The following EPSTI1 variants were observed in gnomAD, a reference collection of about 807,000 sequenced individuals.
EPSTI1 encodes epithelial-stromal interaction protein 1.
In EPSTI1, 66 loss-of-function variants were observed where a neutral mutation model predicts 49.9. That is an observed-to-expected ratio of 1.32 (90% CI 1.08 to 1.62). EPSTI1 has a LOEUF of 1.62. Among genes scored for constraint, EPSTI1 ranks in the 40% most tolerant of loss-of-function variants. The pLI is 0.00. For missense variants in EPSTI1, 394 were observed against 365.5 expected (o/e 1.08, Z -0.64); for synonymous variants, 137 against 130.7 (o/e 1.05, Z -0.33).
chr13:42,926,986 A>AACACACAC (rs1422487357), intron 6 of EPSTI1, among the ~76,000 whole-genome samples: 2 of 68,174 alleles, frequency 2.9e-5, no homozygotes, highest in Admixed American at 2.1e-4. Context: ...ACCCTCTGTT[A>AACACACAC]ACAGACACAC....
chr13:42,906,677 T>C (rs1011229107), intron 8 of EPSTI1, among the ~76,000 whole-genome samples: 1 of 152,116 alleles, frequency 6.6e-6, no homozygotes, highest in Non-Finnish European at 1.5e-5. Flanking sequence ...ACCTTTGCCT[T>C]GAAGGAGAAA....
intron 1 of EPSTI1, among the ~76,000 whole-genome samples, chr13:42,987,892 C>G (rs1011949): frequency 0.3 from 45,359 of 151,944 alleles, 7,381 homozygotes; most frequent in East Asian, 0.51. Context: ...TACATACTAG[C>G]TACTACGTAA....
chr13:42,986,763 A>AAC (rs2040090045), intron 1 of EPSTI1, among the ~76,000 whole-genome samples: 1 of 142,756 alleles, frequency 7.0e-6, no homozygotes, highest in Non-Finnish European at 1.5e-5. Flanking sequence ...AAAAAAAAAA[A>AAC]AAAAAAAACA....
chr13:42,977,263 C>A (rs1479629285), intron 1 of EPSTI1, among the ~76,000 whole-genome samples: 1 of 152,190 alleles, frequency 6.6e-6, no homozygotes, highest in Non-Finnish European at 1.5e-5. Flanking sequence ...TGTGTGACAT[C>A]CTTTATTCTT....
intron 10 of EPSTI1, among the ~76,000 whole-genome samples, chr13:42,893,791 C>T (rs907169869): frequency 6.6e-6 from 1 of 152,178 alleles, no homozygotes; most frequent in African/African-American, 2.4e-5. Context: ...TGACCAAAAT[C>T]TAAATTCCAA....
At chr13:42,935,244 C>T (rs1003981457) in intron 6 of EPSTI1, among the ~76,000 whole-genome samples, 4 of 152,232 alleles carry the variant, frequency 2.6e-5, no homozygotes, top group African/African-American at 9.6e-5. Context: ...GATTCCCCAC[C>T]TCTTTCTAAC....
intron 2 of EPSTI1, 126 bp downstream of exon 2, chr13:42,970,486 A>G: frequency 2.5e-6 from 2 of 788,768 alleles, no homozygotes; most frequent in East Asian, 5.5e-5. Flanking sequence ...AACTAAAAAA[A>G]ACAAAAAACC....
rs2039737872 is a variant in EPSTI1, at chr13:42,970,468, A to G, written c.247+144T>C. The G allele has an allele frequency of 1.2e-5, 7 of 574,402 alleles. No homozygotes were observed. The South Asian group carries it at 2.1e-4, about 17-fold the overall frequency. The allele number at this position is 574,402 out of a possible 1,614,324, so 35.6% of individuals were successfully genotyped here. A position where few individuals can be genotyped will look rare whatever the true frequency, so the allele number is the denominator to read the frequency against. On this transcript the variant is annotated intron_variant, in intron 2 of 10. Transcript: ENST00000313624. ...TTAATAGTAGAATATTTTTAAAGGT[A>G]TAATCAAAACTAAAAAAAACAAAAA...
chr13:42,916,839 A>G (rs1443296335), intron 8 of EPSTI1, among the ~76,000 whole-genome samples: 1 of 152,076 alleles, frequency 6.6e-6, no homozygotes, highest in Non-Finnish European at 1.5e-5. Context: ...ATAAAGTGGC[A>G]CTTTGGAGCT....
intron 6 of EPSTI1, 59 bp downstream of exon 6, chr13:42,953,889 T>G: frequency 3.6e-6 from 5 of 1,408,272 alleles, no homozygotes; most frequent in Non-Finnish European, 4.9e-6. Context: ...CACCTGAATT[T>G]AAAACCTCTA....
At position 42,887,120 on chromosome 13, in the gene EPSTI1, T is replaced by C. The variant is rs1224010020; in HGVS notation, c.*1374A>G. ...TTCCAACACAGGCTGGGGGATTGAG[T>C]TTCCCCCATATAAGGCAATGACAAG... On this transcript the variant is annotated 3_prime_UTR_variant, in exon 11 of 11. Transcript: ENST00000313624. 1 of 152,030 alleles carries C rather than the reference T, an allele frequency of 6.6e-6. No individual in the cohort carries two copies. 9.4% of individuals were successfully genotyped at this position (152,030 alleles called of 1,614,324 possible).
At chr13:42,988,139 C>G (rs2040118313) in intron 1 of EPSTI1, among the ~76,000 whole-genome samples, 2 of 152,140 alleles carry the variant, frequency 1.3e-5, no homozygotes, top group African/African-American at 4.8e-5. Context: ...CCCTATATTA[C>G]CAGCACAGGC....
intron 3 of EPSTI1, among the ~76,000 whole-genome samples, chr13:42,965,114 A>G (rs2039568129): frequency 6.6e-6 from 1 of 152,212 alleles, no homozygotes; most frequent in Admixed American, 6.5e-5. Flanking sequence ...TGTTTCTTTC[A>G]AAACAGTAAG....
rs1056170623 is a variant in EPSTI1 at position 42,922,021 on chromosome 13, A to G, written c.657+4315T>C. ...AGAAAACGCTAAAATAAAATGTTTAAAGAGTTGTACAGAAGATATAACCAG... is the reference window on the plus strand; with the variant it reads ...AGAAAACGCTAAAATAAAATGTTTAGAGAGTTGTACAGAAGATATAACCAG... On this transcript the variant is annotated intron_variant, in intron 7 of 10. Transcript: ENST00000313624. The surrounding 1 kb of genome is among the most constrained non-coding windows in gnomAD (Gnocchi z 4.8). Among the ~76,000 whole-genome samples the G allele has an allele frequency of 1.3e-5, 2 of 152,248 alleles. No individual in the cohort carries two copies. Among genetic ancestry groups the G allele is most frequent in the African/African-American group, 4.8e-5 (2 of 41,468 alleles).
intron 8 of EPSTI1, among the ~76,000 whole-genome samples, chr13:42,909,252 A>G (rs2037594882): frequency 6.6e-6 from 1 of 152,170 alleles, no homozygotes; most frequent in Non-Finnish European, 1.5e-5. Flanking sequence ...TCTCACCCCC[A>G]TTACAAGGCT....
At chr13:42,904,948 G>A (rs891769854) in intron 8 of EPSTI1, among the ~76,000 whole-genome samples, 9 of 152,076 alleles carry the variant, frequency 5.9e-5, no homozygotes, top group Non-Finnish European at 1.0e-4. Flanking sequence ...AGAAAAGGAT[G>A]CTTTACTATC....
chr13:42,937,064 A>AT (rs1173943244), intron 6 of EPSTI1, among the ~76,000 whole-genome samples: 2 of 151,980 alleles, frequency 1.3e-5, no homozygotes, highest in African/African-American at 4.8e-5. Context: ...CCACTGCAAA[A>AT]AAAGCAAATG....
intron 5 of EPSTI1, among the ~76,000 whole-genome samples, chr13:42,958,883 C>A (rs1320989849): frequency 6.6e-6 from 1 of 152,114 alleles, no homozygotes; most frequent in Non-Finnish European, 1.5e-5. Context: ...ACAAAAGTCA[C>A]ATATGTTTTT....
At chr13:42,952,444 G>A (rs910505306) in intron 6 of EPSTI1, among the ~76,000 whole-genome samples, 2 of 152,264 alleles carry the variant, frequency 1.3e-5, no homozygotes, top group Non-Finnish European at 1.5e-5. Flanking sequence ...CAACTCTTCC[G>A]GCTGAGCCTC....
Sources: gnomAD v4.1 joint callset for allele counts (sites outside exome capture counted in the v4.1 genomes callset) on GRCh38, gnomAD v4.1.1 for gene constraint, Gnocchi (gnomAD v3.1) non-coding constraint, MANE v1.5 for transcripts, NCBI Gene and HGNC (gene_info 2026-07-23, HGNC 2026-07-21) for gene names.